The following IL1RAPL1 variants were observed in gnomAD, a reference collection of about 807,000 sequenced individuals.
IL1RAPL1 encodes the protein interleukin-1 receptor accessory protein-like 1.
IL1RAPL1 carries 3 observed loss-of-function variants against 48.4 expected under a neutral mutation model. That is an observed-to-expected ratio of 0.06 (90% CI 0.03 to 0.16). The LOEUF (loss-of-function observed/expected upper bound fraction) is 0.16. Ranked by LOEUF, IL1RAPL1 falls within the 10% of genes least tolerant of loss-of-function variation. The pLI is 1.00. For missense variants in IL1RAPL1, 349 were observed against 530.6 expected, an observed-to-expected ratio of 0.66 and a Z score of 3.36; for synonymous variants, 185 against 187.7, an observed-to-expected ratio of 0.99 and a Z score of 0.12.
At chrX:29,347,994 C>A (rs1933174335) in intron 3 of IL1RAPL1, among the ~76,000 whole-genome samples, 1 of 111,743 alleles carries the variant, frequency 8.9e-6, no homozygotes, top group Admixed American at 9.5e-5. Flanking sequence ...ATACTCAGAG[C>A]AGTGTGCAAT....
intron 2 of IL1RAPL1, among the ~76,000 whole-genome samples, chrX:28,959,672 G>T (rs1924715833): frequency 8.9e-6 from 1 of 111,980 alleles, no homozygotes; most frequent in African/African-American, 3.2e-5. Context: ...TTTGTAAGAT[G>T]TTTATGTAGC....
chrX:29,313,255 G>C (rs956612962), intron 3 of IL1RAPL1, among the ~76,000 whole-genome samples: 2 of 78,870 alleles, frequency 2.5e-5, no homozygotes, highest in African/African-American at 4.3e-5. Context: ...ATACAAGCCT[G>C]TGTGTGTGTG....
At chrX:29,109,247 T>C (rs1928511431) in intron 2 of IL1RAPL1, among the ~76,000 whole-genome samples, 1 of 109,358 alleles carries the variant, frequency 9.1e-6, no homozygotes, top group Non-Finnish European at 1.9e-5. Context: ...TTAAAGAAGA[T>C]AGGTTATTGA....
chrX:29,561,660 A>T (rs1297441942), intron 5 of IL1RAPL1, among the ~76,000 whole-genome samples: 1 of 111,886 alleles, frequency 8.9e-6, no homozygotes, highest in African/African-American at 3.3e-5. Context: ...GCCTTGGGAA[A>T]GGGGTGATGC....
At chrX:29,895,575 G>T (rs1932368156) in intron 6 of IL1RAPL1, among the ~76,000 whole-genome samples, 1 of 112,713 alleles carries the variant, frequency 8.9e-6, no homozygotes, top group Non-Finnish European at 1.9e-5. Flanking sequence ...TATTGTATAC[G>T]AATTGGGCTG....
intron 2 of IL1RAPL1, among the ~76,000 whole-genome samples, chrX:28,901,270 CA>C (rs776577540): frequency 8.9e-6 from 1 of 111,843 alleles, no homozygotes; most frequent in African/African-American, 3.2e-5. Flanking sequence ...ACAAATAATA[CA>C]ATGATGGTTT....
chrX:29,778,020 GTTTTC>G (rs1301686617), intron 6 of IL1RAPL1, among the ~76,000 whole-genome samples: 1 of 107,765 alleles, frequency 9.3e-6, no homozygotes, highest in Non-Finnish European at 1.9e-5. Flanking sequence ...TGTATAAATA[GTTTTC>G]TTTTATACTA....
At chrX:29,874,922 G>A (rs7059212) in intron 6 of IL1RAPL1, among the ~76,000 whole-genome samples, 3,561 of 111,899 alleles carry the variant, frequency 0.032, 124 homozygotes, top group African/African-American at 0.11. Context: ...ATAACTGGCA[G>A]TTTTGATAAA....
At chrX:29,761,466 T>G (rs1299516766) in intron 6 of IL1RAPL1, among the ~76,000 whole-genome samples, 1 of 112,040 alleles carries the variant, frequency 8.9e-6, no homozygotes, top group East Asian at 2.8e-4. Flanking sequence ...CTGCTGTGTG[T>G]AAGATCAGCC....
chrX:29,485,917 A>G (rs1275095656), intron 5 of IL1RAPL1, among the ~76,000 whole-genome samples: 2 of 111,297 alleles, frequency 1.8e-5, no homozygotes, highest in African/African-American at 6.6e-5. Context: ...AGTATTAACA[A>G]GATCCCCATG....
intron 1 of IL1RAPL1, among the ~76,000 whole-genome samples, chrX:28,721,039 G>C (rs1361446105): frequency 1.8e-5 from 2 of 112,182 alleles, no homozygotes; most frequent in African/African-American, 6.5e-5. Context: ...ATTGTGAATA[G>C]TGTCACAATA....
intron 1 of IL1RAPL1, among the ~76,000 whole-genome samples, chrX:28,740,456 G>A (rs1935893635): frequency 9.0e-6 from 1 of 111,550 alleles, no homozygotes; most frequent in African/African-American, 3.3e-5. Context: ...TTTGTTCCTT[G>A]AAGCAATTTT....
At chrX:28,766,507 G>A (rs915816232) in intron 1 of IL1RAPL1, among the ~76,000 whole-genome samples, 15 of 111,128 alleles carry the variant, frequency 1.3e-4, no homozygotes, top group African/African-American at 3.6e-4. Flanking sequence ...TAGGGTATCC[G>A]TCCCCTCAAG....
chrX:29,766,096 C>T (rs964692645), intron 6 of IL1RAPL1, among the ~76,000 whole-genome samples: 2 of 107,757 alleles, frequency 1.9e-5, no homozygotes, highest in East Asian at 2.9e-4. Context: ...TTTGGGAGGC[C>T]GAGGTGGACG....
At chrX:28,891,136 G>C (rs1334092641) in intron 2 of IL1RAPL1, among the ~76,000 whole-genome samples, 1 of 111,744 alleles carries the variant, frequency 8.9e-6, no homozygotes, top group South Asian at 3.7e-4. Flanking sequence ...GAATAGGCAT[G>C]CTATCAGGAA....
intron 5 of IL1RAPL1, among the ~76,000 whole-genome samples, chrX:29,416,461 G>GAACTT (rs1934217865): frequency 2.7e-5 from 3 of 110,773 alleles, no homozygotes; most frequent in Non-Finnish European, 3.8e-5. Context: ...ACTTGAACTT[G>GAACTT]GGGGGGCAGA....
At chrX:29,475,430 C>T (rs904513135) in intron 5 of IL1RAPL1, among the ~76,000 whole-genome samples, 3 of 111,902 alleles carry the variant, frequency 2.7e-5, no homozygotes, top group Non-Finnish European at 5.6e-5. Flanking sequence ...CACCTCTGCA[C>T]CACTCTACTG....
At chrX:29,889,395 C>A (rs12559566) in intron 6 of IL1RAPL1, among the ~76,000 whole-genome samples, 1 of 111,336 alleles carries the variant, frequency 9.0e-6, no homozygotes, top group Non-Finnish European at 1.9e-5. Flanking sequence ...TTATTCATGA[C>A]CCATTTCAAA....
intron 2 of IL1RAPL1, among the ~76,000 whole-genome samples, chrX:29,126,308 T>C (rs1421684983): frequency 8.9e-6 from 1 of 112,325 alleles, no homozygotes; most frequent in Non-Finnish European, 1.9e-5. Context: ...TTGGGTTTCA[T>C]AATCTAAAAA....
Sources: gnomAD v4.1 joint callset for allele counts (sites outside exome capture counted in the v4.1 genomes callset) on GRCh38, gnomAD v4.1.1 for gene constraint, MANE v1.5 for transcripts, NCBI Gene and HGNC (gene_info 2026-07-23, HGNC 2026-07-21) for gene names.